Variants in SPTLC1 observed in about 807,000 individuals in gnomAD.
SPTLC1 encodes the protein serine palmitoyltransferase long chain base subunit 1, also known as serine palmitoyltransferase 1.
Under a neutral mutation model 68.9 loss-of-function variants are expected in SPTLC1, and 55 were observed. The ratio of observed to expected loss-of-function variants is 0.80; its 90% CI spans 0.64 to 1.00. The LOEUF (loss-of-function observed/expected upper bound fraction) is 1.00, where lower values mean the gene tolerates loss of function less well. SPTLC1 is among the 50% of genes least tolerant of loss of function. The probability of loss-of-function intolerance (pLI) is 0.00; values close to 1 mark genes in which losing one functional copy is unlikely to be tolerated. For missense variants in SPTLC1, 449 were observed against 573.1 expected (o/e 0.78, Z 2.21); for synonymous variants, 197 against 201.6 (o/e 0.98, Z 0.19).
intron 3 of SPTLC1, among the ~76,000 whole-genome samples, chr9:92,106,299 C>T (rs1053345193): frequency 1.3e-5 from 2 of 151,974 alleles, no homozygotes; most frequent in Non-Finnish European, 2.9e-5. Context: ...CATGGTGAAA[C>T]TCCGTCTCTA....
At chr9:92,115,163 G>A (rs568484917) in intron 1 of SPTLC1, 151 bp downstream of exon 1, 14 of 656,294 alleles carry the variant, frequency 2.1e-5, no homozygotes, top group African/African-American at 1.5e-4. Flanking sequence ...GCTGGGACTA[G>A]AAGCTCCCGG....
At chr9:92,043,154 C>T (rs975223160) in intron 12 of SPTLC1, among the ~76,000 whole-genome samples, 3 of 152,168 alleles carry the variant, frequency 2.0e-5, no homozygotes, top group African/African-American at 4.8e-5. Context: ...CTCTACATAA[C>T]GAAGTCAAAG....
intron 2 of SPTLC1, chr9:92,111,511 C>A (rs565513934): frequency 6.2e-4 from 95 of 152,240 alleles, no homozygotes; most frequent in African/African-American, 2.3e-3. Flanking sequence ...CCCTAAAGCC[C>A]ACATAGAAGT....
chr9:92,032,572 A>G lies in SPTLC1; in HGVS notation c.1329-14T>C. 1 of 1,613,286 alleles carries G rather than the reference A, an allele frequency of 6.2e-7. No homozygotes were observed. The highest frequency in any genetic ancestry group is 1.3e-5 in the African/African-American group (1 of 74,288). On this transcript the variant is annotated splice_polypyrimidine_tract_variant and intron_variant, in intron 14 of 14. Coordinates refer to ENST00000262554, the MANE Select transcript of SPTLC1 (RefSeq NM_006415.4). Reference sequence around the variant, plus strand: ...ACAACCCGAATGCTGAGAACAGTAAAGGACACAAAGAATTATCTTTGTGGG... The same window carrying G: ...ACAACCCGAATGCTGAGAACAGTAAGGGACACAAAGAATTATCTTTGTGGG...
rs1239628161 is a variant in SPTLC1 at position 92,104,881 on chromosome 9, G to A, written c.260+3859C>T. The A allele has an allele frequency of 3.9e-6, 6 of 1,533,210 alleles. No homozygotes were observed. In the African/African-American group the frequency reaches 5.5e-5, roughly 14 times the overall value. The allele number at this position is 1,533,210 out of a possible 1,614,324, so 95.0% of individuals were successfully genotyped here. On this transcript the variant is annotated intron_variant, in intron 3 of 14. Transcript: ENST00000262554. ...ACAACCAGACTGACAAGGCCCAGGT[G>A]CATGCAGTGAGTTTCTACTCCAAGG...
intron 6 of SPTLC1, among the ~76,000 whole-genome samples, chr9:92,066,583 A>G (rs147793353): frequency 6.6e-6 from 1 of 152,370 alleles, no homozygotes; most frequent in Non-Finnish European, 1.5e-5. Context: ...TCAGCCTGAA[A>G]AAGTGATGCA....
chr9:92,066,757 G>C (rs751026478), intron 6 of SPTLC1, among the ~76,000 whole-genome samples: 2 of 152,148 alleles, frequency 1.3e-5, no homozygotes, highest in Non-Finnish European at 2.9e-5. Flanking sequence ...AGTGGCTCAC[G>C]CCTGTAATCC....
At chr9:92,036,244 T>A (rs1004614035) in intron 13 of SPTLC1, among the ~76,000 whole-genome samples, 1 of 152,238 alleles carries the variant, frequency 6.6e-6, no homozygotes, top group Non-Finnish European at 1.5e-5. Flanking sequence ...AGAGCCAGTA[T>A]CAAACCAGGC....
At chr9:92,077,789 C>G (rs1834736227) in intron 5 of SPTLC1, among the ~76,000 whole-genome samples, 1 of 152,170 alleles carries the variant, frequency 6.6e-6, no homozygotes, top group South Asian at 2.1e-4. Context: ...AAGCTGCCAC[C>G]CTTAACTCTC....
intron 8 of SPTLC1, among the ~76,000 whole-genome samples, chr9:92,051,696 G>T (rs111631358): frequency 9.8e-5 from 15 of 152,314 alleles, no homozygotes; most frequent in African/African-American, 3.4e-4. Flanking sequence ...TTCACAGATG[G>T]TGTAATCTTA....
At chr9:92,053,853 A>G (rs1456790561) in intron 8 of SPTLC1, 34 of 670,958 alleles carry the variant, frequency 5.1e-5, no homozygotes, top group Admixed American at 6.3e-5. Flanking sequence ...GGTTGCACAC[A>G]TGGTAAATGT....
intron 3 of SPTLC1, 122 bp from the exon 4 acceptor site, chr9:92,081,085 T>C (rs1243138744): frequency 1.3e-5 from 9 of 717,766 alleles, no homozygotes; most frequent in Non-Finnish European, 2.3e-5. Context: ...TACTGGTCTT[T>C]GATTTCTTGT....
chr9:92,060,903 A>G (rs2118548859), intron 6 of SPTLC1, among the ~76,000 whole-genome samples: 1 of 139,342 alleles, frequency 7.2e-6, no homozygotes, highest in African/African-American at 2.8e-5. Flanking sequence ...ACAGAGCGAG[A>G]CTCTGTCTCA....
intron 13 of SPTLC1, among the ~76,000 whole-genome samples, chr9:92,037,664 T>C (rs565053533): frequency 1.3e-5 from 2 of 152,352 alleles, no homozygotes; most frequent in East Asian, 3.9e-4. Context: ...CAGTTTTCCC[T>C]GGTGATGTGT....
intron 13 of SPTLC1, among the ~76,000 whole-genome samples, chr9:92,037,188 T>C (rs1426837073): frequency 2.0e-5 from 3 of 152,146 alleles, no homozygotes; most frequent in Non-Finnish European, 2.9e-5. Flanking sequence ...TGCACAGCCA[T>C]GTGGCCTAGA....
chr9:92,115,365 C>T lies in SPTLC1; in HGVS notation c.6G>A (p.Ala2=). 6.2e-7 allele frequency: 1 copy of T among 1,613,134 alleles called. No individual in the cohort carries two copies. Among genetic ancestry groups the T allele is most frequent in the Non-Finnish European group, 8.5e-7 (1 of 1,179,982 alleles). ...CCAGAACCCACTGCTCCGTGGCGGT[C>T]GCCATAGTTAGCCGCTTCCTTCCGG... M[A]TATEQWVLVE... is the part of the protein sequence containing the mutation. The change falls in exon 1 of 15, where the codon GCG becomes GCA. Residue 2 remains alanine (A), a synonymous_variant. Transcript: ENST00000262554.
rs1345224359 is a variant in SPTLC1, at chr9:92,035,004, G to A, written c.1255-121C>T. ...TTCACTTTTCCAATTATAATTGCTA[G>A]AAGATATCACCAAAATACTACACCA... On this transcript the variant is annotated intron_variant, in intron 13 of 14. Coordinates refer to ENST00000262554, the MANE Select transcript of SPTLC1 (RefSeq NM_006415.4). The A allele has an allele frequency of 1.6e-5, 14 of 862,854 alleles. No individual in the cohort carries two copies. The South Asian group carries it at 1.9e-4, about 11-fold the overall frequency. 53.4% of individuals were successfully genotyped at this position (862,854 alleles called of 1,614,324 possible).
intron 5 of SPTLC1, chr9:92,079,447 T>A (rs1034285990): frequency 1.2e-6 from 2 of 1,600,252 alleles, no homozygotes; most frequent in Non-Finnish European, 1.7e-6. Context: ...AAAATGCCGG[T>A]CTTCTTTGAT....
At chr9:92,095,256 T>C (rs1835490870) in intron 3 of SPTLC1, among the ~76,000 whole-genome samples, 1 of 152,040 alleles carries the variant, frequency 6.6e-6, no homozygotes, top group African/African-American at 2.4e-5. Context: ...TAAACAGAGA[T>C]GTAGGGAAAA....
Sources: gnomAD v4.1 joint callset for allele counts (sites outside exome capture counted in the v4.1 genomes callset) on GRCh38, gnomAD v4.1.1 for gene constraint, MANE v1.5 for transcripts, NCBI Gene and HGNC (gene_info 2026-07-23, HGNC 2026-07-21) for gene names.